Variants in CCDC148 observed in about 807,000 individuals in gnomAD.
CCDC148 encodes coiled-coil domain-containing protein 148.
A neutral mutation model predicts 85.7 loss-of-function variants in CCDC148; 89 were observed. The observed-to-expected ratio is 1.04, with a 90% CI of 0.87 to 1.24. The LOEUF (loss-of-function observed/expected upper bound fraction) is 1.24. CCDC148 is among the 50% of genes most tolerant of loss of function. The pLI is 0.00. For synonymous variants in CCDC148, 230 were observed against 213.9 expected (o/e 1.08, Z -0.66); for missense variants, 692 against 671.7 (o/e 1.03, Z -0.33).
At chr2:158,383,915 G>A (rs999535403) in intron 1 of CCDC148, among the ~76,000 whole-genome samples, 10 of 152,042 alleles carry the variant, frequency 6.6e-5, no homozygotes, top group Non-Finnish European at 1.2e-4. Context: ...ACTGCATATC[G>A]CTGTCACGTC....
At chr2:158,252,811 T>C (rs558285419) in intron 9 of CCDC148, among the ~76,000 whole-genome samples, 5 of 151,796 alleles carry the variant, frequency 3.3e-5, no homozygotes, top group Middle Eastern at 3.2e-3. Flanking sequence ...ACAAAATTTA[T>C]ACCATCCGCT....
At chr2:158,319,956 C>T (rs1219899874) in intron 7 of CCDC148, among the ~76,000 whole-genome samples, 1 of 152,142 alleles carries the variant, frequency 6.6e-6, no homozygotes, top group East Asian at 1.9e-4. Context: ...ACATTATTTG[C>T]TCTATGTTTT....
chr2:158,390,219 A>G (rs1322134815), intron 1 of CCDC148, among the ~76,000 whole-genome samples: 1 of 152,170 alleles, frequency 6.6e-6, no homozygotes, highest in Non-Finnish European at 1.5e-5. Flanking sequence ...ATATGGCTCA[A>G]TTCCTCCCAG....
chr2:158,317,185 T>C (rs1692319517), intron 7 of CCDC148, among the ~76,000 whole-genome samples: 1 of 152,226 alleles, frequency 6.6e-6, no homozygotes. Context: ...TAAAGTGTCC[T>C]AAGCTTTTTG....
intron 10 of CCDC148, among the ~76,000 whole-genome samples, chr2:158,232,708 C>T (rs957761825): frequency 6.6e-6 from 1 of 152,142 alleles, no homozygotes; most frequent in Admixed American, 6.6e-5. Context: ...TAACCAGACT[C>T]ATAAAAGATA....
intron 1 of CCDC148, among the ~76,000 whole-genome samples, chr2:158,428,169 T>TTAC (rs1687163943): frequency 6.6e-6 from 1 of 152,108 alleles, no homozygotes; most frequent in Non-Finnish European, 1.5e-5. Context: ...AGAGGCCACT[T>TTAC]AGGAGACTGT....
chr2:158,347,775 G>A (rs951301677), intron 2 of CCDC148, among the ~76,000 whole-genome samples: 3 of 151,986 alleles, frequency 2.0e-5, no homozygotes. Context: ...TGAGACAGAC[G>A]TCAATAACTA....
intron 1 of CCDC148, among the ~76,000 whole-genome samples, chr2:158,437,499 T>G (rs1279693859): frequency 6.6e-6 from 1 of 152,160 alleles, no homozygotes; most frequent in Non-Finnish European, 1.5e-5. Flanking sequence ...GAACTATCTA[T>G]GACAAACCCA....
rs375860020 is a variant in CCDC148 at position 158,176,553 on chromosome 2, G to C, written c.1597C>G (p.Leu533Val). 15 of 1,611,940 alleles carry C rather than the reference G, an allele frequency of 9.3e-6. No homozygotes were observed. In the African/African-American group the frequency reaches 1.9e-4, roughly 20 times the overall value. The change falls in exon 13 of 14, where the codon CTC becomes GTC. Residue 533 changes from leucine to valine, a missense_variant. By Grantham distance (32) the Leu-to-Val change is conservative. Transcript: ENST00000283233. ...TCATTGTATGTATTCAATGTGAAGA[G>C]TGGCTTTTGAAGAATAAATTCTTCT... ...IEEEFILQKP[L>V]FTLNTYNEQQ...
intron 2 of CCDC148, among the ~76,000 whole-genome samples, chr2:158,347,612 A>T (rs1339044786): frequency 6.6e-6 from 1 of 152,114 alleles, no homozygotes; most frequent in African/African-American, 2.4e-5. Context: ...ATTCAAAAAT[A>T]CTCTGGAAAC....
rs1478354072 is a variant in CCDC148, at chr2:158,302,210, G to C, written c.1110+7223C>G. ...AAGAGACAGAAAGGCATAGGGTGGG[G>C]AGGAAGAAATTAGGGGTTGTTTCAC... On this transcript the variant is annotated intron_variant, in intron 9 of 13. Coordinates refer to ENST00000283233, the MANE Select transcript of CCDC148 (RefSeq NM_138803.4). Among the ~76,000 whole-genome samples, 6 of 152,158 alleles carry C rather than the reference G, an allele frequency of 3.9e-5. No individual in the cohort carries two copies. In the East Asian group the frequency reaches 1.2e-3, roughly 29 times the overall value.
intron 1 of CCDC148, among the ~76,000 whole-genome samples, chr2:158,429,150 G>T (rs557774616): frequency 1.3e-5 from 2 of 151,900 alleles, no homozygotes; most frequent in African/African-American, 4.8e-5. Context: ...GTGGGGGCAG[G>T]GGGGAGGGAT....
intron 2 of CCDC148, among the ~76,000 whole-genome samples, chr2:158,351,061 C>T (rs572779845): frequency 1.7e-4 from 26 of 152,262 alleles, no homozygotes; most frequent in African/African-American, 6.0e-4. Context: ...CTCAGAAAAG[C>T]CTTCCCTAAC....
At chr2:158,422,042 GA>G (rs1164075025) in intron 1 of CCDC148, among the ~76,000 whole-genome samples, 2 of 152,160 alleles carry the variant, frequency 1.3e-5, no homozygotes, top group African/African-American at 2.4e-5. Flanking sequence ...AAACCAGGGA[GA>G]AGTTGAATCC....
intron 8 of CCDC148, among the ~76,000 whole-genome samples, chr2:158,310,825 A>T (rs1435537045): frequency 6.9e-6 from 1 of 144,230 alleles, no homozygotes; most frequent in Non-Finnish European, 1.5e-5. Context: ...GACGCTCCTC[A>T]CTTCCTAGAT....
intron 11 of CCDC148, among the ~76,000 whole-genome samples, chr2:158,219,528 T>C (rs1296959303): frequency 1.3e-5 from 2 of 152,204 alleles, no homozygotes; most frequent in African/African-American, 2.4e-5. Flanking sequence ...GTTCCTACCA[T>C]ACAGCTGCCA....
chr2:158,423,559 C>T (rs540190215), intron 1 of CCDC148, among the ~76,000 whole-genome samples: 1 of 152,058 alleles, frequency 6.6e-6, no homozygotes, highest in East Asian at 1.9e-4. Flanking sequence ...TTACACAAAA[C>T]TTAATTCAAG....
chr2:158,280,995 A>G (rs562583449), intron 9 of CCDC148, among the ~76,000 whole-genome samples: 57 of 152,322 alleles, frequency 3.7e-4, no homozygotes, highest in East Asian at 9.7e-4. Context: ...GCTCAACTAC[A>G]TGGAAACTGA....
rs183653422 is a variant in CCDC148, at chr2:158,300,814, G to C, written c.1110+8619C>G. Among the ~76,000 whole-genome samples, 632 of 152,240 alleles carry C rather than the reference G, an allele frequency of 4.2e-3. 5 individuals carry two copies. The highest frequency in any genetic ancestry group is 3.9e-3 in the Non-Finnish European group (262 of 68,018). On this transcript the variant is annotated intron_variant, in intron 9 of 13. Coordinates refer to ENST00000283233, the MANE Select transcript of CCDC148 (RefSeq NM_138803.4). The stretch of plus-strand genomic sequence containing the variant: ...CCAGAAAGTTGGGCCATTACTGTAA[G>C]CAAATGAGATGGTATCATTAGGGAA...
Sources: allele counts gnomAD v4.1 joint callset (sites outside exome capture counted in the v4.1 genomes callset), GRCh38; gene constraint gnomAD v4.1.1; transcripts MANE v1.5; gene names NCBI Gene and HGNC (gene_info 2026-07-23, HGNC 2026-07-21).